The following MAF variants were observed in gnomAD, a reference collection of about 807,000 sequenced individuals.
MAF encodes MAF bZIP transcription factor.
A neutral mutation model predicts 22.0 loss-of-function variants in MAF; 10 were observed. The observed-to-expected ratio is 0.45, with a 90% CI of 0.28 to 0.77. The LOEUF is 0.77. MAF is among the 30% of genes least tolerant of loss of function. MAF has a pLI of 0.12. For missense variants in MAF, 544 were observed against 548.4 expected (o/e 0.99, Z 0.08); for synonymous variants, 337 against 255.8 (o/e 1.32, Z -3.03).
At chr16:79,366,528 C>T in the MAF span, among the ~76,000 whole-genome samples, 3 of 152,194 alleles carry the variant, frequency 2.0e-5, no homozygotes, top group African/African-American at 7.2e-5. Flanking sequence ...ACCTTCTAGA[C>T]ACATGATGAG....
the MAF span, among the ~76,000 whole-genome samples, chr16:79,549,247 G>C: frequency 6.6e-6 from 1 of 152,162 alleles, no homozygotes; most frequent in Admixed American, 6.5e-5. Flanking sequence ...ATAGTGCAGA[G>C]TGCTGAGTGA....
intron 1 of MAF, chr16:79,595,847 G>T: frequency 9.4e-7 from 1 of 1,058,486 alleles, no homozygotes; most frequent in Non-Finnish European, 1.1e-6. Context: ...GTTTAAACCA[G>T]ATATGTACTT....
At chr16:79,399,407 G>A in the MAF span, among the ~76,000 whole-genome samples, 1 of 152,194 alleles carries the variant, frequency 6.6e-6, no homozygotes, top group Non-Finnish European at 1.5e-5. Flanking sequence ...AGATGGTTCA[G>A]TAGGGTTGGC....
At chr16:79,251,076 T>G in the MAF span, among the ~76,000 whole-genome samples, 2 of 149,780 alleles carry the variant, frequency 1.3e-5, no homozygotes, top group African/African-American at 2.5e-5. Flanking sequence ...TGATATTAGA[T>G]TCCCCCCGTT....
chr16:79,381,226 T>G, the MAF span, among the ~76,000 whole-genome samples: 1 of 152,260 alleles, frequency 6.6e-6, no homozygotes, highest in African/African-American at 2.4e-5. Context: ...AGTATCTCTC[T>G]TCTTACCAAA....
At chr16:79,468,009 C>G in the MAF span, among the ~76,000 whole-genome samples, 41 of 152,230 alleles carry the variant, frequency 2.7e-4, 1 homozygote, top group African/African-American at 8.4e-4. Flanking sequence ...ATTGATTGAT[C>G]AGACATCAAT....
chr16:79,290,149 G>C, the MAF span, among the ~76,000 whole-genome samples: 6 of 152,218 alleles, frequency 3.9e-5, no homozygotes, highest in East Asian at 1.2e-3. Flanking sequence ...GAGCCACTGT[G>C]CTCAGCCTGT....
At chr16:79,538,763 T>G in the MAF span, among the ~76,000 whole-genome samples, 1 of 150,770 alleles carries the variant, frequency 6.6e-6, no homozygotes, top group East Asian at 2.0e-4. Flanking sequence ...GAGGTGGAGG[T>G]TGCAGTGAGC....
At chr16:79,313,038 C>A in the MAF span, among the ~76,000 whole-genome samples, 2 of 152,096 alleles carry the variant, frequency 1.3e-5, no homozygotes, top group Admixed American at 1.3e-4. Context: ...GTAGACTGGG[C>A]AAATAGAGTG....
the MAF span, among the ~76,000 whole-genome samples, chr16:79,374,970 A>G: frequency 6.6e-6 from 1 of 152,202 alleles, no homozygotes; most frequent in African/African-American, 2.4e-5. Context: ...ACATAAGCTC[A>G]ACTATGTCCA....
the MAF span, among the ~76,000 whole-genome samples, chr16:79,417,720 C>G: frequency 1.2e-4 from 19 of 152,256 alleles, 1 homozygote; most frequent in Middle Eastern, 3.4e-3. Context: ...GCTTGGCTGT[C>G]AGAGTGTTTT....
the MAF span, among the ~76,000 whole-genome samples, chr16:79,261,432 C>T: frequency 2.0e-5 from 3 of 152,206 alleles, no homozygotes; most frequent in Admixed American, 2.0e-4. Context: ...GGATTACGGG[C>T]ATGAGCCACC....
the MAF span, among the ~76,000 whole-genome samples, chr16:79,276,044 G>A: frequency 6.6e-6 from 1 of 152,112 alleles, no homozygotes; most frequent in Admixed American, 6.5e-5. Flanking sequence ...GGGAGGCTGA[G>A]GTAGGAGAAT....
At chr16:79,485,292 T>G in the MAF span, among the ~76,000 whole-genome samples, 1 of 152,192 alleles carries the variant, frequency 6.6e-6, no homozygotes, top group African/African-American at 2.4e-5. Context: ...ATAGGGTTGT[T>G]TGAGGAGTAA....
the MAF span, among the ~76,000 whole-genome samples, chr16:79,260,949 T>C: frequency 6.6e-6 from 1 of 152,120 alleles, no homozygotes; most frequent in Admixed American, 6.5e-5. Context: ...TCTAGAAAGA[T>C]GGCTCAGGCA....
the MAF span, among the ~76,000 whole-genome samples, chr16:79,213,697 G>GACATGT: frequency 6.6e-6 from 1 of 152,214 alleles, no homozygotes; most frequent in African/African-American, 2.4e-5. Context: ...CAGTTAGTTA[G>GACATGT]TTAGACATGT....
chr16:79,447,223 C>T, the MAF span, among the ~76,000 whole-genome samples: 3 of 151,290 alleles, frequency 2.0e-5, no homozygotes, highest in Non-Finnish European at 4.4e-5. Context: ...GATGCTAAAT[C>T]TATTTTGCCT....
At chr16:79,303,496 C>G in the MAF span, among the ~76,000 whole-genome samples, 1 of 152,172 alleles carries the variant, frequency 6.6e-6, no homozygotes, top group Non-Finnish European at 1.5e-5. Context: ...TAGATTCTCT[C>G]TTGCCTTTGA....
chr16:79,531,542 G>C, the MAF span, among the ~76,000 whole-genome samples: 1 of 152,130 alleles, frequency 6.6e-6, no homozygotes, highest in Non-Finnish European at 1.5e-5. Context: ...CTTGCCACCA[G>C]ATGGTCCCAT....
Sources: allele counts gnomAD v4.1 joint callset (sites outside exome capture counted in the v4.1 genomes callset), GRCh38; gene constraint gnomAD v4.1.1; transcripts MANE v1.5; gene names NCBI Gene and HGNC (gene_info 2026-07-23, HGNC 2026-07-21).